The following MIPOL1 variants were observed in gnomAD, a reference collection of about 807,000 sequenced individuals.
MIPOL1 encodes mirror-image polydactyly gene 1 protein.
Under a neutral mutation model 60.9 loss-of-function variants are expected in MIPOL1, and 57 were observed. That is an observed-to-expected ratio of 0.94 (90% CI 0.76 to 1.17). The LOEUF is 1.17. Ranked by LOEUF, MIPOL1 falls within the 50% of genes most tolerant of loss-of-function variation. The pLI is 0.00. For missense variants in MIPOL1, 551 were observed against 511.6 expected (o/e 1.08, Z -0.74); for synonymous variants, 179 against 168.8 (o/e 1.06, Z -0.47).
At chr14:37,511,425 G>T (rs2095327042) in intron 12 of MIPOL1, among the ~76,000 whole-genome samples, 1 of 152,114 alleles carries the variant, frequency 6.6e-6, no homozygotes, top group South Asian at 2.1e-4. Context: ...GAGGTAAAGG[G>T]AACTAAAGAG....
At chr14:37,342,492 G>C (rs1412187843) in intron 9 of MIPOL1, among the ~76,000 whole-genome samples, 1 of 151,724 alleles carries the variant, frequency 6.6e-6, no homozygotes, top group Non-Finnish European at 1.5e-5. Context: ...CCACCTCCTG[G>C]GTTCAAGAGG....
Position 37,535,298 on chromosome 14 carries a change from G to A in MIPOL1, c.1263-11607G>A, listed in dbSNP as rs117380390. On this transcript the variant is annotated intron_variant, in intron 12 of 12. Coordinates refer to ENST00000684589, the MANE Select transcript of MIPOL1 (RefSeq NM_001388067.1). ...TTAATGACATTGAAAAAGGAATGTC[G>A]TATATCTAATCTAAGGACAGTTGAA... Among the ~76,000 whole-genome samples the A allele has an allele frequency of 1.5e-3, 223 of 152,190 alleles. 2 individuals carry two copies. Among genetic ancestry groups the A allele is most frequent in the East Asian group, 0.012 (64 of 5,184 alleles).
intron 10 of MIPOL1, among the ~76,000 whole-genome samples, chr14:37,380,585 C>A (rs1012812896): frequency 6.6e-6 from 1 of 152,072 alleles, no homozygotes; most frequent in African/African-American, 2.4e-5. Flanking sequence ...TACTGAATTA[C>A]TGTGAGAAAT....
chr14:37,417,894 T>C (rs956438571), intron 10 of MIPOL1, among the ~76,000 whole-genome samples: 44 of 152,312 alleles, frequency 2.9e-4, no homozygotes, highest in African/African-American at 8.9e-4. Flanking sequence ...GTTCCAACTT[T>C]CTTTCTAACC....
intron 1 of MIPOL1, among the ~76,000 whole-genome samples, chr14:37,239,455 A>G (rs1972018789): frequency 6.6e-6 from 1 of 152,192 alleles, no homozygotes; most frequent in Non-Finnish European, 1.5e-5. Context: ...TAGCTTTTAA[A>G]AAAATGTGTC....
chr14:37,495,615 G>C (rs1415088941), intron 11 of MIPOL1, among the ~76,000 whole-genome samples: 1 of 139,936 alleles, frequency 7.1e-6, no homozygotes. Flanking sequence ...CTTTATAGCA[G>C]CATGATTTAT....
intron 12 of MIPOL1, among the ~76,000 whole-genome samples, chr14:37,539,412 G>C (rs929194760): frequency 6.6e-6 from 1 of 152,092 alleles, no homozygotes. Context: ...TTGCCCCAAC[G>C]CTCAGTCTAA....
chr14:37,454,117 A>G (rs1468502335), intron 11 of MIPOL1, among the ~76,000 whole-genome samples: 2 of 152,216 alleles, frequency 1.3e-5, no homozygotes, highest in Non-Finnish European at 2.9e-5. Flanking sequence ...TTGACACACT[A>G]TGTCATACAT....
At chr14:37,538,615 T>C (rs1353667797) in intron 12 of MIPOL1, among the ~76,000 whole-genome samples, 1 of 152,204 alleles carries the variant, frequency 6.6e-6, no homozygotes, top group East Asian at 1.9e-4. Context: ...ACAAATTTTT[T>C]TCAGCTGCTC....
In MIPOL1 at chr14:37,546,901, T is replaced by C; in HGVS notation, c.1263-4T>C. On this transcript the variant is annotated splice_polypyrimidine_tract_variant and splice_region_variant and intron_variant, in intron 12 of 12. Transcript: ENST00000684589. ...TTCTCACCCCCATCCCAACCCCAAC[T>C]TAGGTTGGAAAGGCTGGTGGATGTA... 1 of 1,613,148 alleles carries C rather than the reference T, an allele frequency of 6.2e-7. No individual in the cohort carries two copies. The highest frequency in any genetic ancestry group is 8.5e-7 in the Non-Finnish European group (1 of 1,179,540).
At chr14:37,248,640 A>G (rs576868654) in intron 3 of MIPOL1, among the ~76,000 whole-genome samples, 3 of 151,962 alleles carry the variant, frequency 2.0e-5, no homozygotes, top group African/African-American at 7.3e-5. Context: ...ATCTATATAT[A>G]TATCTCTCTC....
At chr14:37,388,366 T>A (rs2093133792) in intron 10 of MIPOL1, among the ~76,000 whole-genome samples, 1 of 152,012 alleles carries the variant, frequency 6.6e-6, no homozygotes, top group South Asian at 2.1e-4. Flanking sequence ...ATTTGCTTGT[T>A]TCAAGGGTTA....
chr14:37,450,412 C>G (rs1307837747), intron 11 of MIPOL1, among the ~76,000 whole-genome samples: 5 of 152,144 alleles, frequency 3.3e-5, no homozygotes, highest in African/African-American at 1.2e-4. Flanking sequence ...AACATTACAT[C>G]CTTTCAAAAC....
intron 6 of MIPOL1, among the ~76,000 whole-genome samples, chr14:37,272,625 A>G (rs906934628): frequency 1.3e-5 from 2 of 151,604 alleles, no homozygotes; most frequent in African/African-American, 4.8e-5. Flanking sequence ...AATAGAAAAA[A>G]GAGCAGTATA....
intron 9 of MIPOL1, among the ~76,000 whole-genome samples, chr14:37,359,408 C>G (rs1055639901): frequency 2.0e-5 from 3 of 152,132 alleles, no homozygotes; most frequent in Non-Finnish European, 4.4e-5. Flanking sequence ...AGCATTGAAT[C>G]TATAAATTAC....
At chr14:37,499,854 T>C (rs2095189446) in intron 11 of MIPOL1, 54 bp from the exon 12 acceptor site, 5 of 902,660 alleles carry the variant, frequency 5.5e-6, no homozygotes, top group Non-Finnish European at 8.2e-6. Flanking sequence ...AAATAGATCA[T>C]AGATCACTCA....
chr14:37,281,280 T>A (rs2084085160), intron 6 of MIPOL1, among the ~76,000 whole-genome samples: 1 of 152,248 alleles, frequency 6.6e-6, no homozygotes. Context: ...CTCCATTGTG[T>A]GTTCTTGGCA....
intron 11 of MIPOL1, among the ~76,000 whole-genome samples, chr14:37,483,442 A>G (rs2094903998): frequency 1.3e-5 from 2 of 152,058 alleles, no homozygotes; most frequent in South Asian, 4.2e-4. Flanking sequence ...CCTTAAAGAA[A>G]AAAATATTTT....
intron 10 of MIPOL1, among the ~76,000 whole-genome samples, chr14:37,394,241 T>C (rs1025385243): frequency 6.6e-6 from 1 of 151,310 alleles, no homozygotes; most frequent in African/African-American, 2.4e-5. Context: ...TACAAGTAAA[T>C]TTTTCATATA....
Sources: allele counts gnomAD v4.1 joint callset (sites outside exome capture counted in the v4.1 genomes callset), GRCh38; gene constraint gnomAD v4.1.1; transcripts MANE v1.5; gene names NCBI Gene and HGNC (gene_info 2026-07-23, HGNC 2026-07-21).